Variants in SLC26A9 observed in about 807,000 individuals in gnomAD.
SLC26A9 encodes anion transporter/exchanger protein 9.
A neutral mutation model predicts 87.1 loss-of-function variants in SLC26A9; 46 were observed. The observed-to-expected ratio is 0.53, with a 90% confidence interval of 0.42 to 0.67. The LOEUF (loss-of-function observed/expected upper bound fraction) is 0.67, where lower values mean the gene tolerates loss of function less well. Ranked by LOEUF, SLC26A9 falls within the 30% of genes least tolerant of loss-of-function variation. The pLI, the probability that SLC26A9 is intolerant of heterozygous loss-of-function variation, is 0.00. For synonymous variants in SLC26A9, 437 were observed against 409.1 expected (o/e 1.07, Z -0.82); for missense variants, 927 against 1,018.3 (o/e 0.91, Z 1.22).
chr1:205,937,129 T>C (rs1306811319), intron 1 of SLC26A9, among the ~76,000 whole-genome samples: 2 of 152,172 alleles, frequency 1.3e-5, no homozygotes, highest in Non-Finnish European at 2.9e-5. Context: ...AAGATTGTGC[T>C]CAAGTTGGTG....
rs572496201 is a variant in SLC26A9, at chr1:205,921,797, G to T, written c.1824C>A (p.Thr608=). The change falls in exon 17 of 21, where the codon ACC becomes ACA. Residue 608 remains threonine (T), a synonymous_variant. Transcript: ENST00000367135. The stretch of plus-strand genomic sequence containing the variant: ...CCGGGGTCTGGTTGTTGTTGGGGTC[G>T]GTGGGGGGCGCATTCTCAAAGTCCT... The part of the protein sequence containing the change: ...LQQDFENAPP[T]DPNNNQTPAN... 3 of 1,606,418 alleles carry T rather than the reference G, an allele frequency of 1.9e-6. No homozygotes were observed. In the East Asian group the frequency reaches 6.7e-5, roughly 36 times the overall value.
chr1:205,923,693 G>T, intron 13 of SLC26A9, 80 bp from the exon 14 acceptor site: 1 of 1,537,268 alleles, frequency 6.5e-7, no homozygotes, highest in Non-Finnish European at 9.0e-7. Flanking sequence ...CTGGGGCGGG[G>T]GCAGAGCCAA....
At chr1:205,916,255 C>T (rs1219490086) in intron 20 of SLC26A9, among the ~76,000 whole-genome samples, 2 of 152,162 alleles carry the variant, frequency 1.3e-5, no homozygotes, top group African/African-American at 4.8e-5. Context: ...CACCACTACG[C>T]CTGGCTAATT....
At chr1:205,929,572 T>C (rs762012045) in intron 6 of SLC26A9, among the ~76,000 whole-genome samples, 3 of 152,186 alleles carry the variant, frequency 2.0e-5, no homozygotes, top group Non-Finnish European at 4.4e-5. Flanking sequence ...GCTTTCTTTT[T>C]CTTTAGAAGA....
intron 8 of SLC26A9, 96 bp from the exon 9 acceptor site, chr1:205,928,145 T>C: frequency 4.2e-6 from 6 of 1,441,228 alleles, no homozygotes; most frequent in Non-Finnish European, 5.6e-6. Context: ...CAGGCCCCCA[T>C]GGTGTGCCGG....
chr1:205,927,866 G>C (rs891707972), intron 9 of SLC26A9, 36 bp downstream of exon 9: 4 of 1,607,130 alleles, frequency 2.5e-6, no homozygotes, highest in African/African-American at 1.3e-5. Context: ...GAGTTGACCT[G>C]TCCTGCCCAG....
intron 5 of SLC26A9, among the ~76,000 whole-genome samples, chr1:205,930,548 T>C (rs1199321837): frequency 1.3e-5 from 2 of 152,190 alleles, no homozygotes; most frequent in African/African-American, 4.8e-5. Flanking sequence ...GCCTTGATTC[T>C]AATCCACCTC....
chr1:205,930,939 C>T (rs1049505987), intron 5 of SLC26A9, among the ~76,000 whole-genome samples: 1 of 152,178 alleles, frequency 6.6e-6, no homozygotes, highest in East Asian at 1.9e-4. Context: ...ACAAATTTAT[C>T]TGTTGACATG....
At chr1:205,936,226 C>T (rs939858633) in intron 1 of SLC26A9, among the ~76,000 whole-genome samples, 1 of 152,194 alleles carries the variant, frequency 6.6e-6, no homozygotes, top group Non-Finnish European at 1.5e-5. Context: ...AAGCCATACT[C>T]CCTTCCCAGA....
chr1:205,913,613 A>T lies in SLC26A9; in HGVS notation c.*1744T>A, dbSNP rs1658458766. 1 of 152,546 alleles carries T rather than the reference A, an allele frequency of 6.6e-6. No individual in the cohort carries two copies. The highest frequency in any genetic ancestry group is 2.4e-5 in the African/African-American group (1 of 41,400). 9.4% of individuals were successfully genotyped at this position (152,546 alleles called of 1,614,324 possible). On this transcript the variant is annotated 3_prime_UTR_variant, in exon 21 of 21. Transcript: ENST00000367135. ...GACTTGGAAGGAGGTGGAGTAGGGG[A>T]GAGTGAGTTGTCATTGGCTAAGGCT... is the stretch of plus-strand genomic sequence containing the variant.
At chr1:205,940,477 G>A (rs1397841890) in intron 1 of SLC26A9, among the ~76,000 whole-genome samples, 1 of 152,178 alleles carries the variant, frequency 6.6e-6, no homozygotes, top group East Asian at 1.9e-4. Flanking sequence ...GCTCGGAACG[G>A]CACCTGGCCA....
intron 8 of SLC26A9, 56 bp from the exon 9 acceptor site, chr1:205,928,105 C>G (rs1197675169): frequency 1.3e-6 from 2 of 1,574,978 alleles, no homozygotes; most frequent in East Asian, 2.3e-5. Flanking sequence ...GGAGGGCAGC[C>G]AAGTCCTTCA....
At chr1:205,928,305 G>A (rs1219303254) in intron 8 of SLC26A9, 56 of 518,100 alleles carry the variant, frequency 1.1e-4, no homozygotes, top group East Asian at 9.7e-5. Flanking sequence ...GTAGGGCCTC[G>A]TTTGTTAACT....
Position 205,914,827 on chromosome 1 carries a change from G to T in SLC26A9, c.*530C>A. On this transcript the variant is annotated 3_prime_UTR_variant, in exon 21 of 21. Transcript: ENST00000367135. ...GGAGAGCACATGGTCCCTGGGTGCA[G>T]AGCTGCCAGAGACAGAGTTGAGGCA... The T allele has an allele frequency of 6.5e-7, 1 of 1,550,048 alleles. No homozygotes were observed. Among genetic ancestry groups the T allele is most frequent in the Non-Finnish European group, 8.8e-7 (1 of 1,141,634 alleles).
intron 4 of SLC26A9, 128 bp from the exon 5 acceptor site, chr1:205,932,163 A>G: frequency 3.7e-6 from 4 of 1,072,626 alleles, no homozygotes; most frequent in South Asian, 1.6e-5. Flanking sequence ...CTCTTCTCCA[A>G]CACAATAATA....
intron 11 of SLC26A9, among the ~76,000 whole-genome samples, chr1:205,926,960 G>A (rs1315190893): frequency 2.0e-5 from 3 of 152,214 alleles, no homozygotes; most frequent in African/African-American, 4.8e-5. Flanking sequence ...GAGGCCAGAA[G>A]GCTGGAGTTT....
intron 2 of SLC26A9, 186 bp downstream of exon 2, chr1:205,935,510 C>T (rs1328765544): frequency 3.6e-6 from 3 of 844,698 alleles, no homozygotes; most frequent in Non-Finnish European, 5.3e-6. Context: ...TCCTGCTCCC[C>T]ATCCTCCCTG....
At chr1:205,927,425 G>A (rs1659119876) in intron 10 of SLC26A9, 67 bp downstream of exon 10, 3 of 1,559,154 alleles carry the variant, frequency 1.9e-6, no homozygotes, top group Admixed American at 1.7e-5. Context: ...GGCTTGCAGT[G>A]CCCAGGCTTT....
intron 16 of SLC26A9, 88 bp downstream of exon 16, chr1:205,922,994 G>T: frequency 7.8e-7 from 1 of 1,277,200 alleles, no homozygotes; most frequent in Non-Finnish European, 1.1e-6. Context: ...GGTGGGAAGC[G>T]GGGCCCCCAG....
Sources: gnomAD v4.1 joint callset for allele counts (sites outside exome capture counted in the v4.1 genomes callset) on GRCh38, gnomAD v4.1.1 for gene constraint, MANE v1.5 for transcripts, NCBI Gene and HGNC (gene_info 2026-07-23, HGNC 2026-07-21) for gene names.